The following C12orf42 variants were observed in gnomAD, a reference collection of about 807,000 sequenced individuals.
The protein encoded by C12orf42 is uncharacterized protein C12orf42.
Under a neutral mutation model 21.6 loss-of-function variants are expected in C12orf42, and 25 were observed. The ratio of observed to expected loss-of-function variants is 1.16; its 90% CI spans 0.84 to 1.62. The LOEUF (loss-of-function observed/expected upper bound fraction) is 1.62, where lower values mean the gene tolerates loss of function less well. Ranked by LOEUF, C12orf42 falls within the 40% of genes most tolerant of loss-of-function variation. The pLI is 0.00. For synonymous variants in C12orf42, 174 were observed against 175.0 expected, an observed-to-expected ratio of 0.99 and a Z score of 0.05; for missense variants, 483 against 459.3, an observed-to-expected ratio of 1.05 and a Z score of -0.47.
the C12orf42 span, among the ~76,000 whole-genome samples, chr12:103,227,799 G>A: frequency 2.2e-4 from 33 of 152,244 alleles, no homozygotes; most frequent in African/African-American, 6.5e-4. Context: ...GACCGGCGCC[G>A]GAGTTTTGGG....
At chr12:103,356,213 C>T (rs1471557316) in intron 4 of C12orf42, among the ~76,000 whole-genome samples, 1 of 152,104 alleles carries the variant, frequency 6.6e-6, no homozygotes, top group African/African-American at 2.4e-5. Flanking sequence ...ATCATCTCAT[C>T]CACTCTCAAG....
At chr12:103,211,343 A>C in the C12orf42 span, among the ~76,000 whole-genome samples, 9,148 of 152,214 alleles carry the variant, frequency 0.06, 448 homozygotes, top group East Asian at 0.24. Flanking sequence ...TTACTTCCTA[A>C]AAGCCCTATC....
intron 2 of C12orf42, among the ~76,000 whole-genome samples, chr12:103,414,607 C>T (rs954161349): frequency 1.3e-5 from 2 of 152,138 alleles, no homozygotes; most frequent in Non-Finnish European, 2.9e-5. Flanking sequence ...AGATCTTTCA[C>T]TACCTTAGTT....
chr12:103,099,427 G>A, the C12orf42 span, among the ~76,000 whole-genome samples: 41 of 152,316 alleles, frequency 2.7e-4, no homozygotes, highest in African/African-American at 8.9e-4. Context: ...TAAAAATCCA[G>A]TGGAGGAAAG....
the C12orf42 span, among the ~76,000 whole-genome samples, chr12:103,102,235 T>C: frequency 6.6e-6 from 1 of 152,346 alleles, no homozygotes; most frequent in Non-Finnish European, 1.5e-5. Context: ...GTAAAACTTT[T>C]CCTCACCTTT....
At chr12:103,531,502 T>C in the C12orf42 span, among the ~76,000 whole-genome samples, 2 of 152,186 alleles carry the variant, frequency 1.3e-5, no homozygotes, top group Middle Eastern at 3.4e-3. Flanking sequence ...GGGTCTTCTG[T>C]TGTCAAAAGA....
At chr12:103,335,716 A>T (rs1011574903) in intron 4 of C12orf42, among the ~76,000 whole-genome samples, 6 of 152,168 alleles carry the variant, frequency 3.9e-5, no homozygotes, top group African/African-American at 7.2e-5. Context: ...AAATATCTTC[A>T]GTTTGCAGAC....
intron 4 of C12orf42, among the ~76,000 whole-genome samples, chr12:103,318,490 T>C (rs1206883226): frequency 1.3e-5 from 2 of 152,246 alleles, no homozygotes; most frequent in South Asian, 2.1e-4. Flanking sequence ...TGTTGTTCCA[T>C]ATCCTTGCCA....
chr12:103,116,376 A>AT, the C12orf42 span, among the ~76,000 whole-genome samples: 14 of 132,322 alleles, frequency 1.1e-4, no homozygotes, highest in South Asian at 3.3e-3. Flanking sequence ...CCAAGAAAAA[A>AT]AAAAAATATA....
At chr12:103,271,509 A>C (rs2035474675) in intron 5 of C12orf42, among the ~76,000 whole-genome samples, 1 of 152,312 alleles carries the variant, frequency 6.6e-6, no homozygotes, top group East Asian at 1.9e-4. Flanking sequence ...TGACTCCAGC[A>C]AGATATTCCC....
chr12:103,239,053 T>A (rs1461857854), intron 10 of C12orf42, among the ~76,000 whole-genome samples: 1 of 152,174 alleles, frequency 6.6e-6, no homozygotes, highest in Non-Finnish European at 1.5e-5. Context: ...TTTTAGTTTT[T>A]TCTCAAGGGT....
intron 2 of C12orf42, among the ~76,000 whole-genome samples, chr12:103,475,660 G>A (rs1439061244): frequency 6.6e-6 from 1 of 152,198 alleles, no homozygotes; most frequent in Non-Finnish European, 1.5e-5. Flanking sequence ...ACAGTGAAAA[G>A]ACCGTTGAGG....
chr12:103,349,935 C>G (rs1219757259), intron 4 of C12orf42, among the ~76,000 whole-genome samples: 1 of 151,840 alleles, frequency 6.6e-6, no homozygotes, highest in Non-Finnish European at 1.5e-5. Context: ...CCTTGCTTTA[C>G]AAAGGAATTA....
At chr12:103,361,566 G>A (rs374998498) in intron 4 of C12orf42, among the ~76,000 whole-genome samples, 38 of 152,198 alleles carry the variant, frequency 2.5e-4, no homozygotes, top group African/African-American at 8.2e-4. Context: ...TCAACAGGCA[G>A]GGAGGTGCAA....
chr12:103,057,247 A>ATAGC, the C12orf42 span, among the ~76,000 whole-genome samples: 1 of 150,880 alleles, frequency 6.6e-6, no homozygotes, highest in African/African-American at 2.4e-5. Flanking sequence ...TGTTTGTTAC[A>ATAGC]TAGCTATACG....
At chr12:103,176,833 G>A in the C12orf42 span, among the ~76,000 whole-genome samples, 1 of 152,118 alleles carries the variant, frequency 6.6e-6, no homozygotes, top group African/African-American at 2.4e-5. Flanking sequence ...AAGACACCAC[G>A]ACCATTTGTA....
chr12:103,445,860 T>C (rs1951543871), intron 2 of C12orf42, among the ~76,000 whole-genome samples: 1 of 152,054 alleles, frequency 6.6e-6, no homozygotes, highest in African/African-American at 2.4e-5. Flanking sequence ...TATTGTCTTT[T>C]ATAAATGTTA....
At chr12:103,289,598 A>G (rs1328866949) in intron 4 of C12orf42, among the ~76,000 whole-genome samples, 1 of 152,162 alleles carries the variant, frequency 6.6e-6, no homozygotes, top group Non-Finnish European at 1.5e-5. Flanking sequence ...AAAATAGCAA[A>G]TTGGCTAATT....
chr12:103,288,347 TGA>T (rs2036599275), intron 4 of C12orf42, among the ~76,000 whole-genome samples: 4 of 152,264 alleles, frequency 2.6e-5, no homozygotes, highest in African/African-American at 9.6e-5. Flanking sequence ...GTGTAGAGTC[TGA>T]GTAAAACAAA....
Sources: allele counts gnomAD v4.1 joint callset (sites outside exome capture counted in the v4.1 genomes callset), GRCh38; gene constraint gnomAD v4.1.1; transcripts MANE v1.5; gene names NCBI Gene and HGNC (gene_info 2026-07-23, HGNC 2026-07-21).